Variants in MATR3 observed in about 807,000 individuals in gnomAD.
The protein encoded by MATR3 is matrin 3, also known as matrin-3.
In MATR3, 4 loss-of-function variants were observed where a neutral mutation model predicts 85.5. That is an observed-to-expected ratio of 0.05 (90% CI 0.02 to 0.11). The LOEUF is 0.11. MATR3 is among the 10% of genes least tolerant of loss of function. MATR3 has a pLI of 1.00. For missense variants in MATR3, 685 were observed against 1,016.1 expected, an observed-to-expected ratio of 0.67 and a Z score of 4.43; for synonymous variants, 336 against 343.1, an observed-to-expected ratio of 0.98 and a Z score of 0.23.
At position 139,308,072 on chromosome 5, in the gene MATR3, T is replaced by C. The variant is rs775810771; in HGVS notation, c.657T>C (p.Tyr219=). The change falls in exon 2 of 15, where the codon TAT becomes TAC. Residue 219 remains tyrosine (Y), a synonymous_variant. Coordinates refer to ENST00000394805, the MANE Select transcript of MATR3 (RefSeq NM_018834.6). ...QESGYYDRMD[Y]EDDRLRDGER... ...CTGGTTATTATGACAGAATGGATTA[T>C]GAAGATGACAGATTAAGAGATGGAG... The C allele has an allele frequency of 9.9e-6, 16 of 1,614,134 alleles. No individual in the cohort carries two copies. Among genetic ancestry groups the C allele is most frequent in the Non-Finnish European group, 1.3e-5 (15 of 1,180,026 alleles).
rs1756040235 is a variant in MATR3 at position 139,329,742 on chromosome 5, C to G, written c.*347C>G. 4.4e-6 allele frequency: 2 copies of G among 456,338 alleles called. No homozygotes were observed. Among genetic ancestry groups the G allele is most frequent in the Non-Finnish European group, 8.8e-6 (2 of 228,258 alleles). 28.3% of individuals were successfully genotyped at this position (456,338 alleles called of 1,614,324 possible). A position where few individuals can be genotyped will look rare whatever the true frequency, so the allele number is the denominator to read the frequency against. ...GTTCCAAGTTTCAAAGAAATGTCAA[C>G]ATTTTATTCCATTCAATAAAGAACA... On this transcript the variant is annotated 3_prime_UTR_variant, in exon 15 of 15. Transcript: ENST00000394805.
intron 1 of MATR3, among the ~76,000 whole-genome samples, chr5:139,305,380 C>A (rs1177569363): frequency 6.6e-6 from 1 of 152,082 alleles, no homozygotes; most frequent in African/African-American, 2.4e-5. Flanking sequence ...AATTGTAATA[C>A]CATTATATAA....
chr5:139,304,696 TTC>T (rs968743271), intron 1 of MATR3, among the ~76,000 whole-genome samples: 1 of 152,178 alleles, frequency 6.6e-6, no homozygotes, highest in Non-Finnish European at 1.5e-5. Flanking sequence ...ATAATAAATG[TTC>T]TCCCAAAGCT....
chr5:139,284,574 C>G (rs957759194), intron 3 of MATR3, among the ~76,000 whole-genome samples: 5 of 151,438 alleles, frequency 3.3e-5, no homozygotes, highest in African/African-American at 9.7e-5. Context: ...TGCCACTGCA[C>G]TCCAGCCTGG....
chr5:139,284,515 C>G (rs192591790), intron 3 of MATR3, among the ~76,000 whole-genome samples: 1 of 151,402 alleles, frequency 6.6e-6, no homozygotes, highest in Non-Finnish European at 1.5e-5. Flanking sequence ...GGCTGAGGCA[C>G]GAGAATCGCT....
At chr5:139,303,906 C>T (rs1754581412) in intron 1 of MATR3, among the ~76,000 whole-genome samples, 1 of 152,264 alleles carries the variant, frequency 6.6e-6, no homozygotes, top group African/African-American at 2.4e-5. Flanking sequence ...TCTGGAACAG[C>T]TGTTTGCTTC....
At chr5:139,281,975 G>A (rs1442309204) in intron 3 of MATR3, among the ~76,000 whole-genome samples, 1 of 152,074 alleles carries the variant, frequency 6.6e-6, no homozygotes, top group Non-Finnish European at 1.5e-5. Flanking sequence ...AGTGTCAGTG[G>A]GATTTTATGT....
intron 3 of MATR3, among the ~76,000 whole-genome samples, chr5:139,288,053 A>G (rs905665877): frequency 5.9e-5 from 9 of 152,088 alleles, no homozygotes; most frequent in Non-Finnish European, 1.0e-4. Context: ...TCTACAAAAA[A>G]TACCAAAAAA....
intron 8 of MATR3, 23 bp from the exon 9 acceptor site, chr5:139,319,311 T>C: frequency 6.2e-7 from 1 of 1,605,226 alleles, no homozygotes; most frequent in Non-Finnish European, 8.5e-7. Flanking sequence ...CATTTGTCCT[T>C]TTGTTGTTGT....
chr5:139,331,373 C>T lies in MATR3; in HGVS notation c.*1978C>T, dbSNP rs1237678000. 4 of 453,958 alleles carry T rather than the reference C, an allele frequency of 8.8e-6. No individual in the cohort carries two copies. Among genetic ancestry groups the T allele is most frequent in the Non-Finnish European group, 1.3e-5 (3 of 226,800 alleles). The allele number at this position is 453,958 out of a possible 1,614,324, so 28.1% of individuals were successfully genotyped here. A position where few individuals can be genotyped will look rare whatever the true frequency, so the allele number is the denominator to read the frequency against. Reference sequence around the variant, plus strand: ...GCATTATGTGCACAATGGAGTTCTTCAGTGTTTCCTTTCAGTGATGGCTTT... The same window carrying T: ...GCATTATGTGCACAATGGAGTTCTTTAGTGTTTCCTTTCAGTGATGGCTTT... On this transcript the variant is annotated 3_prime_UTR_variant, in exon 15 of 15. Transcript: ENST00000394805.
intron 2 of MATR3, chr5:139,278,664 AG>A (rs901434228): frequency 5.1e-6 from 2 of 391,458 alleles, no homozygotes; most frequent in Non-Finnish European, 1.0e-5. Flanking sequence ...GTTTGACAAC[AG>A]GGTCTGCAAT....
chr5:139,309,872 C>T (rs1038602648), intron 2 of MATR3, among the ~76,000 whole-genome samples: 27 of 152,064 alleles, frequency 1.8e-4, no homozygotes, highest in Non-Finnish European at 2.6e-4. Flanking sequence ...TTATTTCTTG[C>T]CTGTTTATAA....
intron 1 of MATR3, among the ~76,000 whole-genome samples, chr5:139,298,428 G>T (rs1754272641): frequency 6.6e-6 from 1 of 152,068 alleles, no homozygotes; most frequent in Non-Finnish European, 1.5e-5. Flanking sequence ...AAAAATTAGC[G>T]GGTCGTGATG....
chr5:139,324,349 G>A lies in MATR3; in HGVS notation c.2149-1091G>A, dbSNP rs993847911. On this transcript the variant is annotated intron_variant, in intron 12 of 14. Coordinates refer to ENST00000394805, the MANE Select transcript of MATR3 (RefSeq NM_018834.6). ...TGCTCTGTTGCCCAGGCTGGAGTGC[G>A]GTGGTGTGATCTCAGCTAACTGCAA... Among the ~76,000 whole-genome samples, 56 of 146,604 alleles carry A rather than the reference G, an allele frequency of 3.8e-4. 1 individual carries two copies. Among genetic ancestry groups the A allele is most frequent in the African/African-American group, 1.3e-3 (52 of 39,794 alleles).
chr5:139,299,300 CG>C (rs1754321310), intron 1 of MATR3, among the ~76,000 whole-genome samples: 1 of 152,052 alleles, frequency 6.6e-6, no homozygotes, highest in Non-Finnish European at 1.5e-5. Context: ...AGTAAGCAGA[CG>C]TTTCTGTAAG....
intron 3 of MATR3, chr5:139,279,247 G>A (rs957484323): frequency 4.6e-6 from 2 of 439,122 alleles, no homozygotes; most frequent in Non-Finnish European, 4.6e-6. Context: ...TTTTTGGGGG[G>A]GGACGGAGTC....
At chr5:139,321,741 C>T (rs1347781476) in intron 9 of MATR3, 157 bp from the exon 10 acceptor site, 2 of 728,048 alleles carry the variant, frequency 2.7e-6, no homozygotes, top group Non-Finnish European at 4.5e-6. Flanking sequence ...CAGGATTGCG[C>T]CACTGCATTC....
chr5:139,327,240 TA>T (rs1755898083), intron 14 of MATR3, among the ~76,000 whole-genome samples: 1 of 152,060 alleles, frequency 6.6e-6, no homozygotes, highest in African/African-American at 2.4e-5. Flanking sequence ...CTCTGTTGAC[TA>T]AATGGATGAA....
intron 3 of MATR3, among the ~76,000 whole-genome samples, chr5:139,284,914 T>G (rs1165448263): frequency 6.6e-6 from 1 of 152,174 alleles, no homozygotes; most frequent in African/African-American, 2.4e-5. Context: ...TTTTTTGTCA[T>G]TAGGGTATAC....
Sources: gnomAD v4.1 joint callset for allele counts (sites outside exome capture counted in the v4.1 genomes callset) on GRCh38, gnomAD v4.1.1 for gene constraint, MANE v1.5 for transcripts, NCBI Gene and HGNC (gene_info 2026-07-23, HGNC 2026-07-21) for gene names.